Variants in HPCAL1 observed in about 807,000 individuals in gnomAD.
HPCAL1 encodes the protein hippocalcin-like protein 1.
In HPCAL1, 8 loss-of-function variants were observed where a neutral mutation model predicts 17.1. That is an observed-to-expected ratio of 0.47 (90% confidence interval 0.27 to 0.84). The LOEUF is 0.84. Ranked by LOEUF, HPCAL1 falls within the 40% of genes least tolerant of loss-of-function variation. HPCAL1 has a pLI of 0.13. For missense variants in HPCAL1, 165 were observed against 271.1 expected (o/e 0.61, Z 2.75); for synonymous variants, 112 against 111.4 (o/e 1.01, Z -0.03).
At chr2:10,322,575 C>T (rs779474447) in intron 1 of HPCAL1, among the ~76,000 whole-genome samples, 17 of 152,194 alleles carry the variant, frequency 1.1e-4, no homozygotes, top group Non-Finnish European at 2.4e-4. Context: ...CAGCCTGCTG[C>T]GAGGGGTTTC....
At chr2:10,382,613 A>T (rs959333842) in intron 1 of HPCAL1, among the ~76,000 whole-genome samples, 1 of 140,412 alleles carries the variant, frequency 7.1e-6, no homozygotes, top group South Asian at 2.2e-4. Context: ...AAAAAAAAAA[A>T]GGGAAATGAC....
At chr2:10,320,431 C>G (rs775093131) in intron 1 of HPCAL1, among the ~76,000 whole-genome samples, 3 of 152,146 alleles carry the variant, frequency 2.0e-5, no homozygotes, top group Non-Finnish European at 2.9e-5. Flanking sequence ...AGCACCTCCC[C>G]CTGCTCTCCC....
Position 10,370,832 on chromosome 2 carries a change from T to G in HPCAL1, c.-110-26003T>G, listed in dbSNP as rs897643691. 5.3e-5 allele frequency among the ~76,000 whole-genome samples: 8 copies of G among 152,332 alleles called. 1 individual carries two copies. The South Asian group carries it at 8.3e-4, about 16-fold the overall frequency. ...GGAGGACGTGGGCTCAAATTCCAACTTTTCTACCAGGTTTTGGCTATCCTT... is the reference window on the plus strand; with the variant it reads ...GGAGGACGTGGGCTCAAATTCCAACGTTTCTACCAGGTTTTGGCTATCCTT... On this transcript the variant is annotated intron_variant, in intron 1 of 4. Transcript: ENST00000307845.
intron 1 of HPCAL1, among the ~76,000 whole-genome samples, chr2:10,379,213 A>G (rs1344665004): frequency 1.3e-5 from 2 of 151,908 alleles, no homozygotes; most frequent in African/African-American, 4.8e-5. Context: ...GATTCCGAAG[A>G]CTACATTTGA....
At chr2:10,325,825 A>G (rs1447937200) in intron 1 of HPCAL1, among the ~76,000 whole-genome samples, 2 of 152,242 alleles carry the variant, frequency 1.3e-5, no homozygotes, top group African/African-American at 2.4e-5. Context: ...TCCCAGGCCC[A>G]GCTGCGGCCA....
intron 2 of HPCAL1, among the ~76,000 whole-genome samples, chr2:10,398,752 ATTTCTCCTTCCGC>A (rs1280383749): frequency 2.0e-5 from 3 of 151,956 alleles, no homozygotes; most frequent in Non-Finnish European, 4.4e-5. Context: ...GAGGGAGGCG[ATTTCTCCTTCCGC>A]TTTCTCCTTG....
intron 2 of HPCAL1, among the ~76,000 whole-genome samples, chr2:10,403,184 AG>A (rs1669737261): frequency 6.6e-6 from 1 of 152,220 alleles, no homozygotes; most frequent in Admixed American, 6.5e-5. Context: ...TGGCTCAGTG[AG>A]CAGCTCCTCA....
At chr2:10,319,620 C>G (rs1663546491) in intron 1 of HPCAL1, among the ~76,000 whole-genome samples, 2 of 151,482 alleles carry the variant, frequency 1.3e-5, no homozygotes, top group Admixed American at 6.6e-5. Context: ...TACAGGGACC[C>G]TGTGTTTGGG....
rs1031709408 is a variant in HPCAL1, at chr2:10,384,743, G to A, written c.-110-12092G>A. 6.6e-6 allele frequency among the ~76,000 whole-genome samples: 1 copy of A among 152,166 alleles called. No individual in the cohort carries two copies. On this transcript the variant is annotated intron_variant, in intron 1 of 4. Coordinates refer to ENST00000307845, the MANE Select transcript of HPCAL1 (RefSeq NM_002149.4). This position sits in a 1 kb window ranked among gnomAD's most constrained non-coding sequence, Gnocchi z 4.4. Reference sequence around the variant, plus strand: ...AAACAGTGCAGTGGCAGCCGGGGCTGGCACTTTTAAAGAAAGCCTCAAGAC... The same window carrying A: ...AAACAGTGCAGTGGCAGCCGGGGCTAGCACTTTTAAAGAAAGCCTCAAGAC...
chr2:10,344,214 C>T lies in HPCAL1; in HGVS notation c.-111+41037C>T, dbSNP rs145011689. On this transcript the variant is annotated intron_variant, in intron 1 of 4. Coordinates refer to ENST00000307845, the MANE Select transcript of HPCAL1 (RefSeq NM_002149.4). The surrounding 1 kb of genome is among the most constrained non-coding windows in gnomAD (Gnocchi z 4.9). Reference sequence around the variant, plus strand: ...CTCCTGGCTCAGAGGACCCTGGGGACGTGGTCTTTGATGCTTGCTTTCCCC... The same window carrying T: ...CTCCTGGCTCAGAGGACCCTGGGGATGTGGTCTTTGATGCTTGCTTTCCCC... 4.4e-4 allele frequency among the ~76,000 whole-genome samples: 67 copies of T among 152,304 alleles called. No homozygotes were observed. In the East Asian group the frequency reaches 0.01, roughly 23 times the overall value.
intron 1 of HPCAL1, among the ~76,000 whole-genome samples, chr2:10,351,570 C>A (rs948053787): frequency 6.6e-6 from 1 of 152,100 alleles, no homozygotes; most frequent in African/African-American, 2.4e-5. Flanking sequence ...TCAGCCTGGG[C>A]AACATGGCGA....
At chr2:10,356,754 C>T (rs1483708541) in intron 1 of HPCAL1, among the ~76,000 whole-genome samples, 1 of 152,134 alleles carries the variant, frequency 6.6e-6, no homozygotes, top group Non-Finnish European at 1.5e-5. Context: ...CGGGCCCAGC[C>T]ATGCTCTTGG....
intron 1 of HPCAL1, among the ~76,000 whole-genome samples, chr2:10,381,307 G>T (rs1667928850): frequency 6.6e-6 from 1 of 152,254 alleles, no homozygotes; most frequent in East Asian, 1.9e-4. Context: ...GCTCTGCTGA[G>T]CCCCAGCCAA....
At chr2:10,345,051 CTCTT>C (rs761187132) in intron 1 of HPCAL1, among the ~76,000 whole-genome samples, 2 of 151,680 alleles carry the variant, frequency 1.3e-5, no homozygotes, top group African/African-American at 2.4e-5. Flanking sequence ...CTCTCTCTCT[CTCTT>C]TCTGTCTCTC....
At chr2:10,411,726 C>A (rs1223586478) in intron 2 of HPCAL1, among the ~76,000 whole-genome samples, 1 of 152,192 alleles carries the variant, frequency 6.6e-6, no homozygotes, top group South Asian at 2.1e-4. Context: ...CTGAGCACCC[C>A]GCTGGCACCA....
chr2:10,345,055 TTC>T (rs1665335255), intron 1 of HPCAL1, among the ~76,000 whole-genome samples: 1 of 150,704 alleles, frequency 6.6e-6, no homozygotes, highest in Non-Finnish European at 1.5e-5. Flanking sequence ...CTCTCTCTCT[TTC>T]TGTCTCTCTC....
In HPCAL1 at chr2:10,323,341, TC is replaced by T. The variant is rs1572636150; in HGVS notation, c.-111+20165del. ...CCTAACTTCAGTGTTAGAGCACCTT[TC>T]AGGGGGAATGGCGTAAAAAAGCCTT... is the stretch of plus-strand genomic sequence containing the variant. On this transcript the variant is annotated intron_variant, in intron 1 of 4. Transcript: ENST00000307845. This position sits in a 1 kb window ranked among gnomAD's most constrained non-coding sequence, Gnocchi z 4.6. 6.6e-6 allele frequency among the ~76,000 whole-genome samples: 1 copy of T among 152,240 alleles called. No homozygotes were observed. Among genetic ancestry groups the T allele is most frequent in the Non-Finnish European group, 1.5e-5 (1 of 68,042 alleles).
intron 1 of HPCAL1, among the ~76,000 whole-genome samples, chr2:10,333,770 T>G (rs1001582551): frequency 3.9e-5 from 6 of 152,166 alleles, no homozygotes; most frequent in Non-Finnish European, 8.8e-5. Flanking sequence ...TTATTAGCAT[T>G]CTGAGCTATA....
In HPCAL1 at chr2:10,331,318, CT is replaced by C. The variant is rs1664360911; in HGVS notation, c.-111+28142del. On this transcript the variant is annotated intron_variant, in intron 1 of 4. Coordinates refer to ENST00000307845, the MANE Select transcript of HPCAL1 (RefSeq NM_002149.4). The surrounding 1 kb of genome is among the most constrained non-coding windows in gnomAD (Gnocchi z 5.0). ...GCGCCCTTCCTGTCACCCGAGCGCC[CT>C]CTCCTTCCTCACCTCGCCACCTACG... Among the ~76,000 whole-genome samples the C allele has an allele frequency of 6.6e-6, 1 of 152,148 alleles. No individual in the cohort carries two copies. Among genetic ancestry groups the C allele is most frequent in the African/African-American group, 2.4e-5 (1 of 41,438 alleles).
Sources: gnomAD v4.1 joint callset for allele counts (sites outside exome capture counted in the v4.1 genomes callset) on GRCh38, gnomAD v4.1.1 for gene constraint, Gnocchi (gnomAD v3.1) non-coding constraint, MANE v1.5 for transcripts, NCBI Gene and HGNC (gene_info 2026-07-23, HGNC 2026-07-21) for gene names.